Variants in TYR observed in about 807,000 individuals in gnomAD.
The protein encoded by TYR is tyrosinase.
Under a neutral mutation model 51.5 loss-of-function variants are expected in TYR, and 58 were observed. The ratio of observed to expected loss-of-function variants is 1.13; its 90% confidence interval spans 0.91 to 1.40. The LOEUF (loss-of-function observed/expected upper bound fraction) is 1.40. Among genes scored for constraint, TYR ranks in the 40% most tolerant of loss-of-function variants. The pLI is 0.00. For synonymous variants in TYR, 263 were observed against 235.2 expected (o/e 1.12, Z -1.08); for missense variants, 732 against 647.4 (o/e 1.13, Z -1.42).
chr11:89,216,644 T>C (rs1427720912), intron 2 of TYR, among the ~76,000 whole-genome samples: 7 of 60,782 alleles, frequency 1.2e-4, no homozygotes, highest in East Asian at 7.2e-4. Context: ...AGTTTTTCCA[T>C]CTCAAAAAAA....
intron 3 of TYR, among the ~76,000 whole-genome samples, chr11:89,246,006 G>T (rs1565411481): frequency 6.6e-6 from 1 of 151,928 alleles, no homozygotes; most frequent in Non-Finnish European, 1.5e-5. Flanking sequence ...GTGGGGAGAT[G>T]TGCCATTTAG....
At chr11:89,239,705 T>C (rs60716103) in intron 3 of TYR, among the ~76,000 whole-genome samples, 3,760 of 152,218 alleles carry the variant, frequency 0.025, 163 homozygotes, top group African/African-American at 0.086. Flanking sequence ...TTAAAAATGC[T>C]TTTGCTGCAT....
At chr11:89,270,255 C>T (rs530229925) in intron 3 of TYR, among the ~76,000 whole-genome samples, 36 of 151,624 alleles carry the variant, frequency 2.4e-4, no homozygotes, top group African/African-American at 8.2e-4. Flanking sequence ...TGCTTTTTTT[C>T]CCTCTTATTA....
In TYR at chr11:89,178,403, C is replaced by A; in HGVS notation, c.450C>A (p.Val150=). 6.2e-7 allele frequency: 1 copy of A among 1,614,184 alleles called. No individual in the cohort carries two copies. The highest frequency in any genetic ancestry group is 1.1e-5 in the South Asian group (1 of 91,078). Residue 150 remains valine (V), a synonymous_variant, in exon 1 of 5, where the codon GTC becomes GTA. Coordinates refer to ENST00000263321, the MANE Select transcript of TYR (RefSeq NM_000372.5). ...AGCATACCATCAGCTCAGACTATGTCATCCCCATAGGGACCTATGGCCAAA... is the reference window on the plus strand; with the variant it reads ...AGCATACCATCAGCTCAGACTATGTAATCCCCATAGGGACCTATGGCCAAA... ...LAKHTISSDY[V]IPIGTYGQMK... is the part of the protein sequence containing the mutation.
At chr11:89,273,869 A>G (rs1050895572) in intron 3 of TYR, among the ~76,000 whole-genome samples, 9 of 151,784 alleles carry the variant, frequency 5.9e-5, no homozygotes, top group East Asian at 1.9e-4. Flanking sequence ...ATGTCTTCAC[A>G]TAGTCTCCTC....
At chr11:89,209,235 C>G (rs900941941) in intron 2 of TYR, among the ~76,000 whole-genome samples, 3 of 152,164 alleles carry the variant, frequency 2.0e-5, no homozygotes, top group Non-Finnish European at 4.4e-5. Flanking sequence ...CACTCTTGCC[C>G]AAATACTATG....
At chr11:89,195,060 T>C (rs1350613301) in intron 2 of TYR, among the ~76,000 whole-genome samples, 1 of 152,154 alleles carries the variant, frequency 6.6e-6, no homozygotes, top group African/African-American at 2.4e-5. Context: ...TCTTGGTCTA[T>C]AAGGAGTACA....
intron 3 of TYR, among the ~76,000 whole-genome samples, chr11:89,267,081 C>CCACAGTTGGGG (rs1944534220): frequency 6.6e-6 from 1 of 151,836 alleles, no homozygotes; most frequent in African/African-American, 2.4e-5. Flanking sequence ...GTGAAATCTA[C>CCACAGTTGGGG]CACAGTTGGG....
In TYR at chr11:89,278,790, ATCT is replaced by A. The variant is rs2135320066; in HGVS notation, c.1185-5976_1185-5974del. On this transcript the variant is annotated intron_variant, in intron 3 of 4. Transcript: ENST00000263321. Reference sequence around the variant, plus strand: ...TACTTTAGATTACTTAGTACCTAATATCTTCTTCTGCTCCAGGATCCCACCCAG... The same window carrying A: ...TACTTTAGATTACTTAGTACCTAATATCTTCTGCTCCAGGATCCCACCCAG... Among the ~76,000 whole-genome samples the A allele has an allele frequency of 2.0e-5, 3 of 151,788 alleles. No individual in the cohort carries two copies. The South Asian group carries it at 6.2e-4, about 32-fold the overall frequency.
chr11:89,182,521 G>A (rs1943315149), intron 1 of TYR, among the ~76,000 whole-genome samples: 3 of 152,106 alleles, frequency 2.0e-5, no homozygotes, highest in Admixed American at 2.0e-4. Context: ...GATGAAGCAA[G>A]GTGCAACATA....
rs548916230 is a variant in TYR at position 89,206,286 on chromosome 11, G to A, written c.1036+14868G>A. ...TCACTTTAGATATAACAATATTTGT[G>A]AAAGTTAAAGGATGGAAAAAATCAT... is the stretch of plus-strand genomic sequence containing the variant. On this transcript the variant is annotated intron_variant, in intron 2 of 4. Coordinates refer to ENST00000263321, the MANE Select transcript of TYR (RefSeq NM_000372.5). Among the ~76,000 whole-genome samples, 30 of 152,064 alleles carry A rather than the reference G, an allele frequency of 2.0e-4. 1 individual carries two copies. Among genetic ancestry groups the A allele is most frequent in the African/African-American group, 7.2e-4 (30 of 41,480 alleles).
At position 89,200,324 on chromosome 11, in the gene TYR, A is replaced by G. The variant is rs1485051905; in HGVS notation, c.1036+8906A>G. 3.3e-5 allele frequency: 5 copies of G among 152,160 alleles called. No individual in the cohort carries two copies. The East Asian group carries it at 9.7e-4, about 29-fold the overall frequency. 9.4% of individuals were successfully genotyped at this position (152,160 alleles called of 1,614,324 possible). A position where few individuals can be genotyped will look rare whatever the true frequency, so the allele number is the denominator to read the frequency against. On this transcript the variant is annotated intron_variant, in intron 2 of 4. Coordinates refer to ENST00000263321, the MANE Select transcript of TYR (RefSeq NM_000372.5). Reference sequence around the variant, plus strand: ...AACTCCTGACCTCAAGAGATCCACCACCTTAGCCTCCCAAAATGCTGGGAT... The same window carrying G: ...AACTCCTGACCTCAAGAGATCCACCGCCTTAGCCTCCCAAAATGCTGGGAT...
In TYR at chr11:89,178,577, G is replaced by C; in HGVS notation, c.624G>C (p.Leu208=). 4 of 1,614,136 alleles carry C rather than the reference G, an allele frequency of 2.5e-6. No individual in the cohort carries two copies. The highest frequency in any genetic ancestry group is 3.4e-6 in the Non-Finnish European group (4 of 1,180,018). ...IDFAHEAPAF[L]PWHRLFLLRW... ...TTGCCCATGAAGCACCAGCTTTTCT[G>C]CCTTGGCATAGACTCTTCTTGTTGC... Residue 208 remains leucine (L), a synonymous_variant, in exon 1 of 5, where the codon CTG becomes CTC. Coordinates refer to ENST00000263321, the MANE Select transcript of TYR (RefSeq NM_000372.5).
At chr11:89,241,401 A>G (rs180786774) in intron 3 of TYR, among the ~76,000 whole-genome samples, 3 of 152,106 alleles carry the variant, frequency 2.0e-5, no homozygotes, top group Admixed American at 6.6e-5. Flanking sequence ...TTCTGCATTG[A>G]TCATATCTAG....
At chr11:89,248,196 C>T (rs1218770767) in intron 3 of TYR, among the ~76,000 whole-genome samples, 1 of 152,006 alleles carries the variant, frequency 6.6e-6, no homozygotes, top group African/African-American at 2.4e-5. Context: ...TAACAATGTT[C>T]TTAGCACACA....
At chr11:89,281,635 GGATGGC>G (rs1944723454) in intron 3 of TYR, among the ~76,000 whole-genome samples, 2 of 151,744 alleles carry the variant, frequency 1.3e-5, no homozygotes, top group South Asian at 4.1e-4. Context: ...CCACTTTTGA[GGATGGC>G]AGTTTGCCCC....
At chr11:89,188,244 C>T (rs1943401570) in intron 1 of TYR, among the ~76,000 whole-genome samples, 1 of 151,744 alleles carries the variant, frequency 6.6e-6, no homozygotes. Flanking sequence ...ATTAAATCTT[C>T]ATGACCATAC....
intron 3 of TYR, among the ~76,000 whole-genome samples, chr11:89,255,453 G>A (rs1434621970): frequency 6.6e-6 from 1 of 151,526 alleles, no homozygotes; most frequent in East Asian, 1.9e-4. Flanking sequence ...TCCTCTTTTA[G>A]TTTTAGGAAG....
chr11:89,294,507 G>A (rs1944884660), intron 4 of TYR, among the ~76,000 whole-genome samples: 1 of 152,144 alleles, frequency 6.6e-6, no homozygotes, highest in Admixed American at 6.5e-5. Context: ...CCCAGAGTGC[G>A]GACGCTCCAG....
Sources: gnomAD v4.1 joint callset for allele counts (sites outside exome capture counted in the v4.1 genomes callset) on GRCh38, gnomAD v4.1.1 for gene constraint, MANE v1.5 for transcripts, NCBI Gene and HGNC (gene_info 2026-07-23, HGNC 2026-07-21) for gene names.